VPS13C: variants seen among roughly 807,000 people sequenced by gnomAD.
VPS13C encodes the protein vacuolar protein sorting 13 homolog C.
Under a neutral mutation model 456.8 loss-of-function variants are expected in VPS13C, and 358 were observed. That is an observed-to-expected ratio of 0.78 (90% CI 0.72 to 0.86). The LOEUF is 0.86. VPS13C is among the 40% of genes least tolerant of loss of function. The probability of loss-of-function intolerance (pLI) is 0.00; values close to 1 mark genes in which losing one functional copy is unlikely to be tolerated. For missense variants in VPS13C, 4,818 were observed against 4,385.4 expected (o/e 1.10, Z -2.79); for synonymous variants, 1,578 against 1,486.7 (o/e 1.06, Z -1.41).
chr15:61,996,898 T>C (rs56136070), intron 16 of VPS13C, among the ~76,000 whole-genome samples: 36,797 of 142,250 alleles, frequency 0.26, 5,568 homozygotes, highest in Middle Eastern at 0.51. Flanking sequence ...CACACACACA[T>C]ATATATATAT....
At chr15:61,916,276 G>T (rs576822243) in intron 60 of VPS13C, among the ~76,000 whole-genome samples, 11 of 152,186 alleles carry the variant, frequency 7.2e-5, no homozygotes, top group South Asian at 2.1e-4. Context: ...GAAAAAATCA[G>T]GTCTATATCA....
chr15:61,972,545 A>G, intron 27 of VPS13C, 80 bp downstream of exon 27: 2 of 1,482,278 alleles, frequency 1.3e-6, no homozygotes, highest in East Asian at 4.6e-5. Flanking sequence ...AATATACTTG[A>G]CATTTGGGTC....
chr15:61,978,683 C>A lies in VPS13C; in HGVS notation c.2233G>T (p.Ala745Ser). 1 of 1,612,756 alleles carries A rather than the reference C, an allele frequency of 6.2e-7. No individual in the cohort carries two copies. Among genetic ancestry groups the A allele is most frequent in the Non-Finnish European group, 8.5e-7 (1 of 1,179,476 alleles). The change falls in exon 23 of 85, where the codon GCA becomes TCA. Residue 745 changes from alanine (A) to serine (S), a missense_variant. Coordinates refer to ENST00000644861, the MANE Select transcript of VPS13C (RefSeq NM_020821.3). ...ATTTCAACATCAAACTTGTCATATG[C>A]CTTATCCATTATTTCTTCCAGAGAT... ...NSSLEEIMDK[A>S]YDKFDVEIKN...
intron 49 of VPS13C, 101 bp from the exon 50 acceptor site, chr15:61,931,360 T>C: frequency 5.7e-6 from 7 of 1,221,156 alleles, no homozygotes; most frequent in Admixed American, 2.9e-5. Flanking sequence ...CAAACTGATC[T>C]CATGAATTTT....
At chr15:61,854,695 G>T in intron 84 of VPS13C, 137 bp from the exon 85 acceptor site, 1 of 1,036,666 alleles carries the variant, frequency 9.6e-7, no homozygotes, top group Non-Finnish European at 1.5e-6. Context: ...GTCCAGATGT[G>T]TCATATAAAA....
intron 24 of VPS13C, among the ~76,000 whole-genome samples, chr15:61,976,408 T>G (rs1359077760): frequency 6.6e-6 from 1 of 152,072 alleles, no homozygotes; most frequent in Non-Finnish European, 1.5e-5. Flanking sequence ...TAACATTCTA[T>G]TTATATAAAA....
At chr15:61,996,977 C>T (rs1022982733) in intron 16 of VPS13C, among the ~76,000 whole-genome samples, 3 of 137,366 alleles carry the variant, frequency 2.2e-5, no homozygotes, top group African/African-American at 9.2e-5. Flanking sequence ...TTCATCCTTG[C>T]CTATATATTT....
At chr15:62,007,660 C>T (rs2046898611) in intron 14 of VPS13C, among the ~76,000 whole-genome samples, 181 bp from the exon 15 acceptor site, 1 of 152,072 alleles carries the variant, frequency 6.6e-6, no homozygotes, top group Non-Finnish European at 1.5e-5. Context: ...TATAAGAAAA[C>T]CCTTAAGGAA....
intron 82 of VPS13C, among the ~76,000 whole-genome samples, chr15:61,861,740 A>G (rs1894238274): frequency 6.6e-6 from 1 of 152,224 alleles, no homozygotes; most frequent in Admixed American, 6.5e-5. Flanking sequence ...ATTTTAATGT[A>G]ATCATTAAAG....
chr15:61,999,904 TAAA>T (rs71125961), intron 16 of VPS13C, among the ~76,000 whole-genome samples: 45 of 116,246 alleles, frequency 3.9e-4, no homozygotes, highest in Admixed American at 7.5e-4. Flanking sequence ...AAAGAAAAAG[TAAA>T]AAAAAAAAAA....
At position 61,964,813 on chromosome 15, in the gene VPS13C, C is replaced by T. The variant is rs757916579; in HGVS notation, c.3100G>A (p.Ala1034Thr). Reference sequence around the variant, plus strand: ...ATGGTTGTGAGGTAATTAATAGAAGCGACAAGAGCTTGTGTTTGCAGCAAC... The same window carrying T: ...ATGGTTGTGAGGTAATTAATAGAAGTGACAAGAGCTTGTGTTTGCAGCAAC... Reference protein sequence around the residue: ...NLLLQTQALVASINYLTTIIP... With the variant: ...NLLLQTQALVTSINYLTTIIP... Residue 1034 changes from alanine to threonine, a missense_variant, in exon 31 of 85, where the codon GCT becomes ACT. Around this residue, in one of 3 missense-constraint regions of VPS13C, gnomAD observed 4,552 missense variants for 4,130.6 expected, o/e 1.10. Transcript: ENST00000644861. The T allele has an allele frequency of 3.7e-6, 6 of 1,611,630 alleles. No homozygotes were observed. Among genetic ancestry groups the T allele is most frequent in the Admixed American group, 1.7e-5 (1 of 59,764 alleles).
intron 20 of VPS13C, among the ~76,000 whole-genome samples, chr15:61,982,869 C>G (rs1158868711): frequency 6.6e-6 from 1 of 152,170 alleles, no homozygotes. Context: ...TCCAATTAGT[C>G]AGAAGATGAA....
chr15:61,867,374 T>C lies in VPS13C; in HGVS notation c.10863+1285A>G, dbSNP rs1179559697. The C allele has an allele frequency of 1.1e-5, 11 of 985,362 alleles. No homozygotes were observed. The highest frequency in any genetic ancestry group is 1.3e-5 in the Non-Finnish European group (11 of 829,980). 61.0% of individuals were successfully genotyped at this position (985,362 alleles called of 1,614,324 possible). On this transcript the variant is annotated intron_variant, in intron 81 of 84. Coordinates refer to ENST00000644861, the MANE Select transcript of VPS13C (RefSeq NM_020821.3). The surrounding 1 kb of genome is among the most constrained non-coding windows in gnomAD (Gnocchi z 5.0). ...AGAGGAAACATATCCTCAAAATTCA[T>C]GTGCCAACTATTTATTACTTGAGGT...
At position 61,889,369 on chromosome 15, in the gene VPS13C, C is replaced by T. The variant is rs935988885; in HGVS notation, c.9341+796G>A. Among the ~76,000 whole-genome samples, 3 of 151,664 alleles carry T rather than the reference C, an allele frequency of 2.0e-5. No homozygotes were observed. In the East Asian group the frequency reaches 5.8e-4, roughly 29 times the overall value. ...TGGTATGTATGATACCATTTATAAC[C>T]ATTAGTTTCTCAGGTGTTGTGCAAA... On this transcript the variant is annotated intron_variant, in intron 67 of 84. Transcript: ENST00000644861.
At chr15:61,854,600 T>C (rs1349623748) in intron 84 of VPS13C, 42 bp from the exon 85 acceptor site, 3 of 1,593,374 alleles carry the variant, frequency 1.9e-6, no homozygotes, top group Non-Finnish European at 1.7e-6. Context: ...AAGACAAGTA[T>C]AGGCTCATTT....
In VPS13C at chr15:61,854,425, T is replaced by A. The variant is rs1893797090; in HGVS notation, c.*32A>T. On this transcript the variant is annotated 3_prime_UTR_variant, in exon 85 of 85. Transcript: ENST00000644861. Reference sequence around the variant, plus strand: ...TTATAGACAAGACCAGTGATTGTTTTTTCTCCCTGTTGGAGCCCCTGAGGT... The same window carrying A: ...TTATAGACAAGACCAGTGATTGTTTATTCTCCCTGTTGGAGCCCCTGAGGT... 1.3e-6 allele frequency: 2 copies of A among 1,581,218 alleles called. No homozygotes were observed.
chr15:61,874,088 A>G (rs1895234265), intron 77 of VPS13C, among the ~76,000 whole-genome samples: 1 of 152,084 alleles, frequency 6.6e-6, no homozygotes, highest in Non-Finnish European at 1.5e-5. Flanking sequence ...ACAGAAAAAC[A>G]AATACTGCAT....
rs761016696 is a variant in VPS13C, at chr15:61,951,908, C to T, written c.4372G>A (p.Gly1458Arg). Residue 1458 changes from glycine to arginine, a missense_variant, in exon 39 of 85, where the codon GGA becomes AGA. Gly to Arg is a moderately radical substitution (Grantham distance 125, BLOSUM62 -2). Coordinates refer to ENST00000644861, the MANE Select transcript of VPS13C (RefSeq NM_020821.3). Reference protein sequence around the residue: ...PLHELNVLQLGMEAKVKTYDM... With the variant: ...PLHELNVLQLRMEAKVKTYDM... ...TAGGTTTTAACTTTAGCTTCCATTC[C>T]AAGTTGCAGGACATTTAGCTCATGT... is the stretch of plus-strand genomic sequence containing the variant. The T allele has an allele frequency of 2.5e-5, 41 of 1,613,664 alleles. No individual in the cohort carries two copies. Among genetic ancestry groups the T allele is most frequent in the Non-Finnish European group, 3.1e-5 (36 of 1,179,770 alleles).
chr15:61,890,013 T>C, intron 67 of VPS13C, 152 bp downstream of exon 67: 1 of 692,896 alleles, frequency 1.4e-6, no homozygotes, highest in Non-Finnish European at 2.4e-6. Flanking sequence ...GCTTTTCAAC[T>C]AACAGTTCAA....
Sources: gnomAD v4.1 joint callset for allele counts (sites outside exome capture counted in the v4.1 genomes callset) on GRCh38, gnomAD v4.1.1 for gene constraint, gnomAD v4.1.1 regional missense constraint, Gnocchi (gnomAD v3.1) non-coding constraint, MANE v1.5 for transcripts, NCBI Gene and HGNC (gene_info 2026-07-23, HGNC 2026-07-21) for gene names.